DMPK: variants seen among roughly 807,000 people sequenced by gnomAD.
DMPK encodes the protein DM1 protein kinase.
A neutral mutation model predicts 70.3 loss-of-function variants in DMPK; 32 were observed. That is an observed-to-expected ratio of 0.46 (90% CI 0.34 to 0.61). DMPK has a LOEUF of 0.61. Among genes scored for constraint, DMPK ranks in the 20% least tolerant of loss-of-function variants. DMPK has a pLI of 0.01. For synonymous variants in DMPK, 469 were observed against 390.9 expected (o/e 1.20, Z -2.36); for missense variants, 899 against 886.0 (o/e 1.01, Z -0.19).
In DMPK at chr19:45,771,366, G is replaced by T; in HGVS notation, c.1631C>A (p.Thr544Lys). Residue 544 changes from threonine to lysine, a missense_variant, in exon 13 of 15, where the codon ACG becomes AAG. Thr to Lys is a moderately conservative substitution (Grantham distance 78, BLOSUM62 -1). Coordinates refer to ENST00000291270, the MANE Select transcript of DMPK (RefSeq NM_004409.5). Reference protein sequence around the residue: ...AVTGVPSPRATDPPSHLDGPP... With the variant: ...AVTGVPSPRAKDPPSHLDGPP... ...GGGTCTTACATGGGAAGGTGGATCC[G>T]TGGCCCGGGGACTGGGGACCCCCGT... 6.2e-7 allele frequency: 1 copy of T among 1,601,494 alleles called. No homozygotes were observed. Among genetic ancestry groups the T allele is most frequent in the South Asian group, 1.1e-5 (1 of 90,116 alleles).
intron 1 of DMPK, chr19:45,780,177 A>G: frequency 6.9e-7 from 1 of 1,441,228 alleles, no homozygotes; most frequent in Non-Finnish European, 9.1e-7. Flanking sequence ...GACCCTAAAG[A>G]ACAAGGGGAG....
At chr19:45,779,562 A>G in intron 2 of DMPK, 40 bp from the exon 3 acceptor site, 1 of 1,611,700 alleles carries the variant, frequency 6.2e-7, no homozygotes, top group South Asian at 1.1e-5. Context: ...GACGGCGGGA[A>G]AACAAAAGGG....
At position 45,777,945 on chromosome 19, in the gene DMPK, A is replaced by G; in HGVS notation, c.676-72T>C. On this transcript the variant is annotated intron_variant, in intron 6 of 14. Transcript: ENST00000291270. This position sits in a 1 kb window ranked among gnomAD's most constrained non-coding sequence, Gnocchi z 6.7. Reference sequence around the variant, plus strand: ...CCACCAGCTCTGGGCCCTCCTTCCAACCACTCCCCAAATGCTTAGCCCCTC... The same window carrying G: ...CCACCAGCTCTGGGCCCTCCTTCCAGCCACTCCCCAAATGCTTAGCCCCTC... 1.4e-6 allele frequency: 2 copies of G among 1,429,444 alleles called. No homozygotes were observed. The highest frequency in any genetic ancestry group is 1.9e-6 in the Non-Finnish European group (2 of 1,045,052). 88.5% of individuals were successfully genotyped at this position (1,429,444 alleles called of 1,614,324 possible).
intron 2 of DMPK, 74 bp from the exon 3 acceptor site, chr19:45,779,596 G>A (rs1970002031): frequency 6.9e-6 from 11 of 1,588,596 alleles, no homozygotes; most frequent in Middle Eastern, 2.1e-4. Context: ...AACTCCACCC[G>A]CTTCTGCACC....
At position 45,771,004 on chromosome 19, in the gene DMPK, G is replaced by C; in HGVS notation, c.1704C>G (p.Pro568=). The C allele has an allele frequency of 6.9e-7, 1 of 1,450,416 alleles. No individual in the cohort carries two copies. Among genetic ancestry groups the C allele is most frequent in the South Asian group, 1.4e-5 (1 of 70,162 alleles). 89.8% of individuals were successfully genotyped at this position (1,450,416 alleles called of 1,614,324 possible). The change falls in exon 14 of 15, where the codon CCC becomes CCG. Residue 568 remains proline, a synonymous_variant. Transcript: ENST00000291270. ...GGAGCAGCAGGTGGCGGCGGTGCAT[G>C]GGGCCTGGCCCCACCAGCGGGCACT... The part of the protein sequence containing the change: ...VGQCPLVGPG[P]MHRRHLLLPA...
Position 45,782,467 on chromosome 19 carries a change from C to T in DMPK, c.-115G>A, listed in dbSNP as rs927693312. On this transcript the variant is annotated 5_prime_UTR_variant, in exon 1 of 15. Transcript: ENST00000291270. ...AGCCCTGGCTGCATGTCTGCCTGTC[C>T]CTGGCTGTCCCCTGGGCCTCTCTGG... The T allele has an allele frequency of 1.8e-5, 22 of 1,229,968 alleles. No individual in the cohort carries two copies. Among genetic ancestry groups the T allele is most frequent in the Admixed American group, 3.0e-5 (1 of 33,418 alleles). The allele number at this position is 1,229,968 out of a possible 1,614,324, so 76.2% of individuals were successfully genotyped here.
Position 45,771,664 on chromosome 19 carries a change from G to A in DMPK, c.1504C>T (p.Gln502Ter). The change falls in exon 12 of 15, where the codon CAA (glutamine) becomes TAA (stop). Residue 502 changes from glutamine (Q) to a stop codon, truncating the protein, a stop_gained and splice_region_variant. Coordinates refer to ENST00000291270, the MANE Select transcript of DMPK (RefSeq NM_004409.5). LOFTEE classifies it high-confidence loss of function. ...IRTDNQNFASQLREAEARNRD... is the reference protein window; with the variant it reads ...IRTDNQNFAS ...TTCCGAGCCTCTGCCTCGCGTAGTT[G>A]ACTGTGGGGAGGTAAGGACGGTGAG... The A allele has an allele frequency of 6.2e-7, 1 of 1,613,924 alleles. No individual in the cohort carries two copies. The highest frequency in any genetic ancestry group is 8.5e-7 in the Non-Finnish European group (1 of 1,179,916).
At chr19:45,774,154 G>A (rs1600426151) in intron 9 of DMPK, among the ~76,000 whole-genome samples, 1 of 151,302 alleles carries the variant, frequency 6.6e-6, no homozygotes, top group African/African-American at 2.4e-5. Context: ...GTTTCTCCAC[G>A]TTGGTCAGGC....
intron 1 of DMPK, chr19:45,780,694 G>C: frequency 8.0e-6 from 6 of 748,750 alleles, no homozygotes; most frequent in African/African-American, 1.9e-5. Flanking sequence ...GGAGGGGAGG[G>C]AAGGAGAGGA....
At chr19:45,781,627 G>A (rs563376175) in intron 1 of DMPK, among the ~76,000 whole-genome samples, 6 of 152,308 alleles carry the variant, frequency 3.9e-5, no homozygotes, top group African/African-American at 1.2e-4. Flanking sequence ...AGGGGGCACT[G>A]GTGGCGCCTG....
rs1356271700 is a variant in DMPK at position 45,770,523 on chromosome 19, C to T, written c.1855G>A (p.Val619Ile). The T allele has an allele frequency of 1.3e-6, 2 of 1,550,492 alleles. No homozygotes were observed. Among genetic ancestry groups the T allele is most frequent in the Admixed American group, 2.0e-5 (1 of 50,988 alleles). ...CGGGCGGCTCCTGGGCGGCGCCAGA[C>T]TGCGGTGAGTTGGCCGGCGTGGGCC... ...LVAHAGQLTA[V>I]WRRPGAARAP is the part of the protein sequence containing the mutation. Residue 619 changes from valine to isoleucine, a missense_variant, in exon 15 of 15, where the codon GTC becomes ATC. Val to Ile is a conservative substitution (Grantham distance 29). Coordinates refer to ENST00000291270, the MANE Select transcript of DMPK (RefSeq NM_004409.5).
At position 45,774,932 on chromosome 19, in the gene DMPK, T is replaced by C; in HGVS notation, c.1232+17A>G. On this transcript the variant is annotated intron_variant, in intron 9 of 14. Transcript: ENST00000291270. The stretch of plus-strand genomic sequence containing the variant: ...GCAGCCTCGTGGCCCCTGGAGGCCG[T>C]CCAGGGCAGTGCTTACCTGAGGGCC... 6.2e-7 allele frequency: 1 copy of C among 1,611,258 alleles called. No individual in the cohort carries two copies. Among genetic ancestry groups the C allele is most frequent in the East Asian group, 2.2e-5 (1 of 44,852 alleles).
In DMPK at chr19:45,770,172, T is replaced by G. The variant is rs1412550157; in HGVS notation, c.*316A>C. ...GCCCATCCACGTCAGGGCCTCAGCC[T>G]GGCCGAAAGAAAGAAATGGTCTGTG... On this transcript the variant is annotated 3_prime_UTR_variant, in exon 15 of 15. Coordinates refer to ENST00000291270, the MANE Select transcript of DMPK (RefSeq NM_004409.5). 1.5e-6 allele frequency: 1 copy of G among 667,784 alleles called. No individual in the cohort carries two copies. The highest frequency in any genetic ancestry group is 3.3e-5 in the East Asian group (1 of 30,062). 41.4% of individuals were successfully genotyped at this position (667,784 alleles called of 1,614,324 possible). A position where few individuals can be genotyped will look rare whatever the true frequency, so the allele number is the denominator to read the frequency against.
intron 1 of DMPK, 78 bp downstream of exon 1, chr19:45,782,115 A>AC: frequency 2.9e-6 from 1 of 345,178 alleles, no homozygotes; most frequent in Non-Finnish European, 4.6e-6. Flanking sequence ...CCCCCCCAAC[A>AC]GCCAGGCCTC....
At chr19:45,775,314 C>A (rs1253548697) in intron 8 of DMPK, 1 of 326,848 alleles carries the variant, frequency 3.1e-6, no homozygotes, top group Admixed American at 4.7e-5. Flanking sequence ...ATTACAGGCG[C>A]CCTCTACCAC....
chr19:45,781,662 G>A (rs1385656236), intron 1 of DMPK, among the ~76,000 whole-genome samples: 1 of 152,206 alleles, frequency 6.6e-6, no homozygotes, highest in Admixed American at 6.5e-5. Context: ...TCTCCCACAG[G>A]GCCCGCGTGA....
At chr19:45,775,793 C>T (rs1438249384) in intron 8 of DMPK, among the ~76,000 whole-genome samples, 1 of 107,852 alleles carries the variant, frequency 9.3e-6, no homozygotes, top group Non-Finnish European at 2.0e-5. Context: ...TCTGGGATTA[C>T]AGGCGTGAAC....
intron 10 of DMPK, 31 bp downstream of exon 10, chr19:45,772,610 C>G: frequency 6.8e-7 from 1 of 1,461,860 alleles, no homozygotes; most frequent in South Asian, 1.3e-5. Flanking sequence ...CCAATTGTCC[C>G]TGACGGACCC....
intron 1 of DMPK, chr19:45,780,134 T>G (rs1970037817): frequency 1.4e-6 from 2 of 1,440,688 alleles, no homozygotes; most frequent in Admixed American, 2.7e-5. Flanking sequence ...TGCAGGATGG[T>G]TAGGGTGGGG....
Sources: gnomAD v4.1 joint callset for allele counts (sites outside exome capture counted in the v4.1 genomes callset) on GRCh38, gnomAD v4.1.1 for gene constraint, Gnocchi (gnomAD v3.1) non-coding constraint, MANE v1.5 for transcripts, NCBI Gene and HGNC (gene_info 2026-07-23, HGNC 2026-07-21) for gene names.